EXT2: variants seen among roughly 807,000 people sequenced by gnomAD.
EXT2 encodes exostosin-2.
In EXT2, 53 loss-of-function variants were observed where a neutral mutation model predicts 81.6. The ratio of observed to expected loss-of-function variants is 0.65; its 90% CI spans 0.52 to 0.82. The LOEUF (loss-of-function observed/expected upper bound fraction) is 0.82. Ranked by LOEUF, EXT2 falls within the 40% of genes least tolerant of loss-of-function variation. The pLI, the probability that EXT2 is intolerant of heterozygous loss-of-function variation, is 0.00. For synonymous variants in EXT2, 320 were observed against 340.0 expected (o/e 0.94, Z 0.65); for missense variants, 774 against 910.2 (o/e 0.85, Z 1.93).
chr11:44,232,180 T>C (rs1205147163), intron 10 of EXT2, among the ~76,000 whole-genome samples, 173 bp from the exon 11 acceptor site: 1 of 152,216 alleles, frequency 6.6e-6, no homozygotes, highest in Non-Finnish European at 1.5e-5. Context: ...TCTTTGAGTT[T>C]TGGCAGAATA....
intron 7 of EXT2, among the ~76,000 whole-genome samples, chr11:44,153,113 C>G (rs1954814477): frequency 6.6e-6 from 1 of 152,142 alleles, no homozygotes; most frequent in Non-Finnish European, 1.5e-5. Flanking sequence ...TTGGGAAGAA[C>G]CGACATCTTG....
At chr11:44,127,048 C>A in intron 6 of EXT2, 93 bp downstream of exon 6, 1 of 1,459,974 alleles carries the variant, frequency 6.8e-7, no homozygotes, top group Non-Finnish European at 9.6e-7. Flanking sequence ...TACCCTGGTT[C>A]AAGAACTACT....
At chr11:44,108,273 C>T (rs2134969021) in intron 2 of EXT2, 25 bp downstream of exon 2, 2 of 1,605,432 alleles carry the variant, frequency 1.2e-6, no homozygotes, top group East Asian at 2.2e-5. Context: ...TACAGCCCAG[C>T]CCCCAGGAGA....
At chr11:44,222,274 G>A (rs1414849168) in intron 10 of EXT2, among the ~76,000 whole-genome samples, 3 of 152,098 alleles carry the variant, frequency 2.0e-5, no homozygotes, top group Non-Finnish European at 4.4e-5. Flanking sequence ...TCACAACCAC[G>A]GCCACTAAAT....
At chr11:44,242,969 T>TA (rs1471378006) in intron 13 of EXT2, among the ~76,000 whole-genome samples, 1 of 152,242 alleles carries the variant, frequency 6.6e-6, no homozygotes, top group East Asian at 1.9e-4. Flanking sequence ...TATTAATGCA[T>TA]AGAAAGCAAT....
At chr11:44,233,035 A>G (rs1955917610) in intron 11 of EXT2, among the ~76,000 whole-genome samples, 1 of 152,190 alleles carries the variant, frequency 6.6e-6, no homozygotes, top group East Asian at 1.9e-4. Flanking sequence ...CCATTTTCAT[A>G]ACTGTTTGTA....
At chr11:44,176,618 C>T (rs993475464) in intron 8 of EXT2, among the ~76,000 whole-genome samples, 19 of 152,214 alleles carry the variant, frequency 1.2e-4, no homozygotes, top group Middle Eastern at 3.4e-3. Flanking sequence ...GCCTGAATAG[C>T]GATGGTTTAT....
chr11:44,208,333 G>A (rs1245232488), intron 10 of EXT2, among the ~76,000 whole-genome samples: 3 of 152,098 alleles, frequency 2.0e-5, no homozygotes, highest in African/African-American at 7.2e-5. Context: ...GATGGACAGA[G>A]GGCTGTCTCT....
chr11:44,105,088 C>T lies in EXT2; in HGVS notation c.-30-2595C>T, dbSNP rs1469968287. Among the ~76,000 whole-genome samples, 2 of 152,068 alleles carry T rather than the reference C, an allele frequency of 1.3e-5. 1 individual carries two copies. The highest frequency in any genetic ancestry group is 6.3e-3 in the Middle Eastern group (2 of 316). ...TTACCCCCAAAACTGAAAGTGATTG[C>T]AACATTCAAGCTTGGCAATACTCAG... On this transcript the variant is annotated intron_variant, in intron 1 of 13. Transcript: ENST00000533608.
At chr11:44,121,772 C>CT (rs1380244752) in intron 4 of EXT2, among the ~76,000 whole-genome samples, 4 of 152,236 alleles carry the variant, frequency 2.6e-5, no homozygotes, top group Middle Eastern at 3.4e-3. Flanking sequence ...TGCCCAGGCT[C>CT]TAACACTCTC....
intron 1 of EXT2, among the ~76,000 whole-genome samples, chr11:44,099,496 T>C (rs977507031): frequency 6.6e-6 from 1 of 151,924 alleles, no homozygotes; most frequent in South Asian, 2.1e-4. Flanking sequence ...AATTTTTATA[T>C]TTTTTAGTAG....
intron 10 of EXT2, among the ~76,000 whole-genome samples, chr11:44,215,590 G>A (rs1955708031): frequency 6.6e-6 from 1 of 152,132 alleles, no homozygotes; most frequent in African/African-American, 2.4e-5. Flanking sequence ...TTCTTACTAG[G>A]CCAGTTAGGT....
At chr11:44,140,893 A>T (rs944032491) in intron 7 of EXT2, among the ~76,000 whole-genome samples, 1 of 152,266 alleles carries the variant, frequency 6.6e-6, no homozygotes, top group Non-Finnish European at 1.5e-5. Flanking sequence ...TGTTCCATTT[A>T]AAATAGTCAT....
At chr11:44,231,742 C>G (rs1955901232) in intron 10 of EXT2, among the ~76,000 whole-genome samples, 1 of 152,130 alleles carries the variant, frequency 6.6e-6, no homozygotes, top group East Asian at 1.9e-4. Flanking sequence ...AGTTCCTCAT[C>G]CCCAGTATAC....
At chr11:44,165,809 C>A (rs1163845973) in intron 7 of EXT2, among the ~76,000 whole-genome samples, 1 of 152,122 alleles carries the variant, frequency 6.6e-6, no homozygotes, top group Non-Finnish European at 1.5e-5. Flanking sequence ...AATTTTTACA[C>A]CTTTCAGTTT....
At chr11:44,172,583 C>CTTTT (rs35070892) in intron 8 of EXT2, among the ~76,000 whole-genome samples, 4 of 107,402 alleles carry the variant, frequency 3.7e-5, no homozygotes, top group African/African-American at 1.3e-4. Context: ...TCTACCTTTT[C>CTTTT]TTTTTTTTTT....
At chr11:44,214,361 G>A (rs1287626172) in intron 10 of EXT2, among the ~76,000 whole-genome samples, 1 of 151,998 alleles carries the variant, frequency 6.6e-6, no homozygotes, top group Non-Finnish European at 1.5e-5. Context: ...TGATCCGCCC[G>A]CCTCAGCCTC....
chr11:44,097,463 C>T (rs2134936980), intron 1 of EXT2, among the ~76,000 whole-genome samples: 1 of 152,038 alleles, frequency 6.6e-6, no homozygotes, highest in East Asian at 1.9e-4. Flanking sequence ...TGGCAGTGGC[C>T]CCAGGAGTTC....
intron 10 of EXT2, among the ~76,000 whole-genome samples, chr11:44,231,729 G>A (rs954007117): frequency 6.6e-6 from 1 of 152,142 alleles, no homozygotes; most frequent in East Asian, 1.9e-4. Context: ...AGAAGGTACT[G>A]GAAGTTCCTC....
Sources: allele counts gnomAD v4.1 joint callset (sites outside exome capture counted in the v4.1 genomes callset), GRCh38; gene constraint gnomAD v4.1.1; transcripts MANE v1.5; gene names NCBI Gene and HGNC (gene_info 2026-07-23, HGNC 2026-07-21).